Variants in SORCS1 observed in about 807,000 individuals in gnomAD.
SORCS1 encodes the protein sortilin related VPS10 domain containing receptor 1, also known as VPS10 domain-containing receptor SorCS1.
SORCS1 carries 60 observed loss-of-function variants against 146.1 expected under a neutral mutation model. The observed-to-expected ratio is 0.41, with a 90% confidence interval of 0.33 to 0.51. SORCS1 has a LOEUF of 0.51. Ranked by LOEUF, SORCS1 falls within the 20% of genes least tolerant of loss-of-function variation. The probability of loss-of-function intolerance (pLI) is 0.21; values close to 1 mark genes in which losing one functional copy is unlikely to be tolerated. For missense variants in SORCS1, 1,352 were observed against 1,487.6 expected (o/e 0.91, Z 1.50); for synonymous variants, 637 against 584.0 (o/e 1.09, Z -1.31).
chr10:106,955,611 T>C (rs536359093), intron 2 of SORCS1, among the ~76,000 whole-genome samples: 4 of 152,276 alleles, frequency 2.6e-5, no homozygotes, highest in African/African-American at 9.6e-5. Context: ...ATCCCAAAGA[T>C]AAGGGTGTGC....
chr10:107,163,923 C>G (rs373947987), intron 1 of SORCS1, 46 bp downstream of exon 1: 2 of 1,570,528 alleles, frequency 1.3e-6, no homozygotes, highest in South Asian at 2.3e-5. Context: ...CGACTTTAAC[C>G]CTTTCCATCT....
intron 1 of SORCS1, among the ~76,000 whole-genome samples, chr10:106,999,030 T>A (rs1957108741): frequency 6.6e-6 from 1 of 152,186 alleles, no homozygotes; most frequent in African/African-American, 2.4e-5. Flanking sequence ...TCTTCAGGAA[T>A]AAGTAGTAAG....
intron 3 of SORCS1, among the ~76,000 whole-genome samples, chr10:106,779,203 T>G (rs1589858369): frequency 6.6e-6 from 1 of 152,278 alleles, no homozygotes; most frequent in South Asian, 2.1e-4. Flanking sequence ...AATTTGACAT[T>G]TTGGAAATAA....
chr10:106,934,551 A>G lies in SORCS1; in HGVS notation c.626+21962T>C, dbSNP rs547061826. ...TGGGATTACAGGCATGAGCCACTGC[A>G]CCCGGCCAGTATGGAGATTTTTTAA... On this transcript the variant is annotated intron_variant, in intron 2 of 25. Transcript: ENST00000263054. 5.9e-5 allele frequency among the ~76,000 whole-genome samples: 9 copies of G among 152,184 alleles called. No individual in the cohort carries two copies. The South Asian group carries it at 1.9e-3, about 32-fold the overall frequency.
chr10:106,785,797 T>C (rs923909714), intron 3 of SORCS1, among the ~76,000 whole-genome samples: 2 of 152,186 alleles, frequency 1.3e-5, no homozygotes, highest in African/African-American at 4.8e-5. Context: ...TGCAGAGCTC[T>C]TTGGAAGATG....
At chr10:106,988,280 T>C (rs982861379) in intron 1 of SORCS1, among the ~76,000 whole-genome samples, 2 of 152,204 alleles carry the variant, frequency 1.3e-5, no homozygotes, top group African/African-American at 4.8e-5. Context: ...TTGGTGGCTT[T>C]AAAATTGTTA....
intron 9 of SORCS1, among the ~76,000 whole-genome samples, chr10:106,697,170 C>T (rs1438017596): frequency 6.6e-6 from 1 of 151,998 alleles, no homozygotes; most frequent in African/African-American, 2.4e-5. Flanking sequence ...TTGCAATTTA[C>T]ACTTATTTAT....
At chr10:106,696,710 A>G (rs1438548525) in intron 9 of SORCS1, among the ~76,000 whole-genome samples, 2 of 152,232 alleles carry the variant, frequency 1.3e-5, no homozygotes, top group African/African-American at 4.8e-5. Flanking sequence ...TTTTCATTTC[A>G]TACCTGTTAC....
intron 1 of SORCS1, among the ~76,000 whole-genome samples, chr10:107,036,110 G>A (rs10787004): frequency 0.48 from 72,880 of 151,530 alleles, 17,624 homozygotes; most frequent in East Asian, 0.65. Flanking sequence ...AGTTTCATTT[G>A]ATCCAGCCTG....
intron 18 of SORCS1, among the ~76,000 whole-genome samples, chr10:106,651,163 C>A (rs1321518459): frequency 6.6e-6 from 1 of 152,072 alleles, no homozygotes; most frequent in African/African-American, 2.4e-5. Context: ...GCCCTTGGAC[C>A]AGAGATATGC....
intron 16 of SORCS1, among the ~76,000 whole-genome samples, chr10:106,670,385 A>T (rs1851497375): frequency 6.6e-6 from 1 of 152,212 alleles, no homozygotes; most frequent in Admixed American, 6.5e-5. Context: ...AATTAGCTTA[A>T]TCCTGGTAAA....
chr10:106,976,796 T>C (rs1956046210), intron 1 of SORCS1, among the ~76,000 whole-genome samples: 1 of 152,184 alleles, frequency 6.6e-6, no homozygotes, highest in Non-Finnish European at 1.5e-5. Context: ...ATGTGGTGTT[T>C]GGTTTTCTGT....
intron 2 of SORCS1, among the ~76,000 whole-genome samples, chr10:106,902,574 A>T (rs1951753021): frequency 2.0e-5 from 3 of 152,240 alleles, no homozygotes; most frequent in Admixed American, 2.0e-4. Context: ...TATTTTAAAT[A>T]TTAATAAATC....
chr10:106,828,089 C>A (rs1948377252), intron 3 of SORCS1, among the ~76,000 whole-genome samples: 1 of 152,166 alleles, frequency 6.6e-6, no homozygotes, highest in Non-Finnish European at 1.5e-5. Context: ...TTACAACTTC[C>A]CACACGAGGT....
At chr10:106,708,338 C>T (rs1160351286) in intron 7 of SORCS1, among the ~76,000 whole-genome samples, 1 of 151,988 alleles carries the variant, frequency 6.6e-6, no homozygotes, top group Non-Finnish European at 1.5e-5. Flanking sequence ...AAATTGCATC[C>T]TCAAAGCATG....
chr10:106,852,467 A>G (rs1949622981), intron 2 of SORCS1, among the ~76,000 whole-genome samples: 1 of 151,974 alleles, frequency 6.6e-6, no homozygotes, highest in African/African-American at 2.4e-5. Context: ...GTCTCTACTA[A>G]AAATACAAAA....
At position 106,847,952 on chromosome 10, in the gene SORCS1, GTT is replaced by G. The variant is rs1392262152; in HGVS notation, c.627-18281_627-18280del. On this transcript the variant is annotated intron_variant, in intron 2 of 25. Coordinates refer to ENST00000263054, the MANE Select transcript of SORCS1 (RefSeq NM_052918.5). The stretch of plus-strand genomic sequence containing the variant: ...TGCTTGCACTGTGGTCTGAGAGATA[GTT>G]TATTATAATTTCTGTTCTTTTACAT... Among the ~76,000 whole-genome samples, 82 of 150,816 alleles carry G rather than the reference GTT, an allele frequency of 5.4e-4. 1 individual carries two copies. The highest frequency in any genetic ancestry group is 1.1e-3 in the Admixed American group (16 of 15,184).
intron 1 of SORCS1, among the ~76,000 whole-genome samples, chr10:107,055,285 C>A (rs941364074): frequency 7.2e-5 from 11 of 152,178 alleles, no homozygotes; most frequent in Non-Finnish European, 1.2e-4. Flanking sequence ...CTAGTAATCT[C>A]TCATGTTAAG....
At chr10:107,000,684 A>G (rs1398242516) in intron 1 of SORCS1, among the ~76,000 whole-genome samples, 6 of 152,156 alleles carry the variant, frequency 3.9e-5, no homozygotes, top group Non-Finnish European at 8.8e-5. Context: ...CTTACACAAA[A>G]TGGAGGTTTC....
Sources: gnomAD v4.1 joint callset for allele counts (sites outside exome capture counted in the v4.1 genomes callset) on GRCh38, gnomAD v4.1.1 for gene constraint, MANE v1.5 for transcripts, NCBI Gene and HGNC (gene_info 2026-07-23, HGNC 2026-07-21) for gene names.